Variants in MYO1C observed in about 807,000 individuals in gnomAD.
MYO1C encodes unconventional myosin-Ic.
A neutral mutation model predicts 150.8 loss-of-function variants in MYO1C; 104 were observed. The observed-to-expected ratio is 0.69, with a 90% CI of 0.59 to 0.81. The LOEUF is 0.81. MYO1C is among the 30% of genes least tolerant of loss of function. The pLI is 0.00. For synonymous variants in MYO1C, 663 were observed against 579.9 expected (o/e 1.14, Z -2.06); for missense variants, 1,504 against 1,435.0 (o/e 1.05, Z -0.78).
chr17:1,478,004 T>A lies in MYO1C; in HGVS notation c.1402-33A>T. 1 of 1,612,674 alleles carries A rather than the reference T, an allele frequency of 6.2e-7. No individual in the cohort carries two copies. The highest frequency in any genetic ancestry group is 8.5e-7 in the Non-Finnish European group (1 of 1,178,706). On this transcript the variant is annotated intron_variant, in intron 12 of 31. Coordinates refer to ENST00000648651, the MANE Select transcript of MYO1C (RefSeq NM_001080779.2). This position sits in a 1 kb window ranked among gnomAD's most constrained non-coding sequence, Gnocchi z 6.3. Reference sequence around the variant, plus strand: ...GCAGAAGGGAAGGAAGGGATCACCGTGGGGTCCTGGCACCCTCTCCCAGGG... The same window carrying A: ...GCAGAAGGGAAGGAAGGGATCACCGAGGGGTCCTGGCACCCTCTCCCAGGG...
chr17:1,482,409 C>A lies in MYO1C; in HGVS notation c.627+69G>T, dbSNP rs1216734206. On this transcript the variant is annotated intron_variant, in intron 5 of 31. Transcript: ENST00000648651. Reference sequence around the variant, plus strand: ...GCAGCACCTGGAATAGTCCCTGGTACCCAGTAGGTGCTTCACACGTGTAGA... The same window carrying A: ...GCAGCACCTGGAATAGTCCCTGGTAACCAGTAGGTGCTTCACACGTGTAGA... The A allele has an allele frequency of 3.7e-6, 5 of 1,359,582 alleles. No individual in the cohort carries two copies. In the African/African-American group the frequency reaches 7.2e-5, roughly 19 times the overall value. The allele number at this position is 1,359,582 out of a possible 1,614,324, so 84.2% of individuals were successfully genotyped here.
chr17:1,487,688 C>A (rs960451520), intron 1 of MYO1C, among the ~76,000 whole-genome samples: 1 of 152,268 alleles, frequency 6.6e-6, no homozygotes, highest in Admixed American at 6.5e-5. Context: ...GAGGCCGAGG[C>A]GGGCGGATCA....
At chr17:1,489,346 T>C (rs2074704260) in intron 1 of MYO1C, among the ~76,000 whole-genome samples, 1 of 152,194 alleles carries the variant, frequency 6.6e-6, no homozygotes, top group African/African-American at 2.4e-5. Flanking sequence ...GATCTTTGGC[T>C]GCCAGACACC....
intron 21 of MYO1C, 61 bp from the exon 22 acceptor site, chr17:1,470,750 C>A (rs1480766809): frequency 6.6e-7 from 1 of 1,520,312 alleles, no homozygotes; most frequent in African/African-American, 1.4e-5. Context: ...GAGCCTGGTG[C>A]CGTGTGCGCT....
Position 1,467,882 on chromosome 17 carries a change from A to C in MYO1C, c.2925T>G (p.Ser975Arg). 2 of 1,610,750 alleles carry C rather than the reference A, an allele frequency of 1.2e-6. No individual in the cohort carries two copies. Among genetic ancestry groups the C allele is most frequent in the Non-Finnish European group, 1.7e-6 (2 of 1,179,400 alleles). Residue 975 changes from serine to arginine, a missense_variant, in exon 29 of 32, where the codon AGT (serine) becomes AGG (arginine). Physicochemically the swap from Ser to Arg is moderately radical, Grantham distance 110 (BLOSUM62 -1). Transcript: ENST00000648651. Reference sequence around the variant, plus strand: ...CACGCTGTACATGAAGCACAAAAAGACTGTCGCTCAGGCTGCTGACAGAGA... The same window carrying C: ...CACGCTGTACATGAAGCACAAAAAGCCTGTCGCTCAGGCTGCTGACAGAGA... ...TGISVSSLSD[S>R]LFVLHVQRAD...
intron 23 of MYO1C, 24 bp downstream of exon 23, chr17:1,470,411 C>T: frequency 2.6e-6 from 4 of 1,549,950 alleles, no homozygotes; most frequent in Non-Finnish European, 3.5e-6. Context: ...CTCTGCAGCC[C>T]CCACAAGGCA....
At chr17:1,491,064 C>T (rs1024203700) in intron 1 of MYO1C, 6 of 152,020 alleles carry the variant, frequency 3.9e-5, no homozygotes, top group African/African-American at 1.5e-4. Context: ...GGCTCCCACT[C>T]CCTACACGCA....
Position 1,470,179 on chromosome 17 carries a change from C to A in MYO1C, c.2522G>T (p.Arg841Leu). Residue 841 changes from arginine to leucine, a missense_variant, in exon 24 of 32, where the codon CGT (arginine) becomes CTT (leucine). Arg to Leu is a moderately radical substitution (Grantham distance 102, BLOSUM62 -2). Transcript: ENST00000648651. ...TGGCAGGGGGTGCCCACAGACCTCA[C>A]GCAGGGCAGGTGGGGGCGTGGGCCA... Reference protein sequence around the residue: ...TSWPTPPPALREASELLRELC... With the variant: ...TSWPTPPPALLEASELLRELC... 1 of 1,609,256 alleles carries A rather than the reference C, an allele frequency of 6.2e-7. No individual in the cohort carries two copies. The highest frequency in any genetic ancestry group is 8.5e-7 in the Non-Finnish European group (1 of 1,178,464).
intron 17 of MYO1C, 56 bp from the exon 18 acceptor site, chr17:1,472,284 C>G: frequency 6.7e-7 from 1 of 1,495,224 alleles, no homozygotes; most frequent in Non-Finnish European, 9.3e-7. Context: ...GCTGCTGACC[C>G]CAGCAGCGAG....
intron 7 of MYO1C, 72 bp downstream of exon 7, chr17:1,480,455 T>TTAA (rs1555521812): frequency 5.7e-5 from 78 of 1,362,930 alleles, no homozygotes; most frequent in African/African-American, 3.3e-4. Flanking sequence ...TCTCAAAAAA[T>TTAA]AAAAAACAAA....
Position 1,492,394 on chromosome 17 carries a change from C to G in MYO1C, c.75+19G>C. The G allele has an allele frequency of 2.5e-6, 4 of 1,593,252 alleles. No homozygotes were observed. The South Asian group carries it at 4.5e-5, about 18-fold the overall frequency. On this transcript the variant is annotated intron_variant, in intron 1 of 31. Coordinates refer to ENST00000648651, the MANE Select transcript of MYO1C (RefSeq NM_001080779.2). Reference sequence around the variant, plus strand: ...GAGACGCTCCCACCCTCCTCCCAGCCCAGAGCATCCCAGCTTACAAGCTTG... The same window carrying G: ...GAGACGCTCCCACCCTCCTCCCAGCGCAGAGCATCCCAGCTTACAAGCTTG...
intron 5 of MYO1C, among the ~76,000 whole-genome samples, chr17:1,481,847 C>G (rs936725242): frequency 2.1e-5 from 3 of 143,278 alleles, no homozygotes; most frequent in Non-Finnish European, 4.6e-5. Flanking sequence ...AAAAAAAGTT[C>G]TTGCAACAAC....
chr17:1,466,612 G>A (rs1404549570), intron 31 of MYO1C, among the ~76,000 whole-genome samples: 2 of 147,268 alleles, frequency 1.4e-5, no homozygotes, highest in Non-Finnish European at 3.0e-5. Context: ...ACAGGCGTGA[G>A]CCACTGTGCC....
intron 1 of MYO1C, chr17:1,485,605 G>C: frequency 1.0e-6 from 1 of 999,716 alleles, no homozygotes; most frequent in Non-Finnish European, 1.3e-6. Flanking sequence ...CCTGGGCCGC[G>C]CCCGCTTCCT....
chr17:1,470,448 G>A lies in MYO1C; in HGVS notation c.2353C>T (p.Gln785Ter). ...CCTGGCGCTCACCGCCGGATGGTCT[G>A]TGCCGCCCACTTCCTCTTGGCTGCC... ...RKAAKRKWAA[Q>*]TIRRLIRGFV... The change falls in exon 23 of 32, where the codon CAG becomes TAG. Residue 785 changes from glutamine to a stop codon, truncating the protein, a stop_gained. Coordinates refer to ENST00000648651, the MANE Select transcript of MYO1C (RefSeq NM_001080779.2). LOFTEE classifies it high-confidence loss of function. 6.4e-6 allele frequency: 10 copies of A among 1,550,632 alleles called. No homozygotes were observed. The highest frequency in any genetic ancestry group is 8.7e-6 in the Non-Finnish European group (10 of 1,147,072).
At chr17:1,483,552 C>T (rs905726746) in intron 3 of MYO1C, 58 bp downstream of exon 3, 15 of 1,265,314 alleles carry the variant, frequency 1.2e-5, no homozygotes, top group African/African-American at 4.4e-5. Context: ...AAGGGTTGGG[C>T]GGGGTCACCT....
rs923921257 is a variant in MYO1C, at chr17:1,465,425, C to T, written c.*301G>A. ...GTTTCCTATAAAGCATCAAAAAAAC[C>T]TCAGAGAAAACCTCAGCAAAAGTTC... On this transcript the variant is annotated 3_prime_UTR_variant, in exon 32 of 32. Coordinates refer to ENST00000648651, the MANE Select transcript of MYO1C (RefSeq NM_001080779.2). 1 of 332,120 alleles carries T rather than the reference C, an allele frequency of 3.0e-6. No individual in the cohort carries two copies. The highest frequency in any genetic ancestry group is 2.1e-5 in the African/African-American group (1 of 47,044). 20.6% of individuals were successfully genotyped at this position (332,120 alleles called of 1,614,324 possible). A position where few individuals can be genotyped will look rare whatever the true frequency, so the allele number is the denominator to read the frequency against.
chr17:1,476,455 G>A (rs377721498), intron 14 of MYO1C, among the ~76,000 whole-genome samples: 2 of 152,204 alleles, frequency 1.3e-5, no homozygotes, highest in Non-Finnish European at 2.9e-5. Context: ...GATGACAGGC[G>A]TGAGCCACCA....
intron 17 of MYO1C, 48 bp from the exon 18 acceptor site, chr17:1,472,276 T>G: frequency 6.5e-7 from 1 of 1,546,782 alleles, no homozygotes; most frequent in Non-Finnish European, 8.9e-7. Context: ...GGGCTAAAGC[T>G]GCTGACCCCA....
Sources: gnomAD v4.1 joint callset for allele counts (sites outside exome capture counted in the v4.1 genomes callset) on GRCh38, gnomAD v4.1.1 for gene constraint, Gnocchi (gnomAD v3.1) non-coding constraint, MANE v1.5 for transcripts, NCBI Gene and HGNC (gene_info 2026-07-23, HGNC 2026-07-21) for gene names.